The following PACRGL variants were observed in gnomAD, a reference collection of about 807,000 sequenced individuals.
PACRGL encodes the protein PACRG-like protein.
In PACRGL, 38 loss-of-function variants were observed where a neutral mutation model predicts 34.5. The ratio of observed to expected loss-of-function variants is 1.10; its 90% CI spans 0.85 to 1.44. The LOEUF is 1.44. Ranked by LOEUF, PACRGL falls within the 40% of genes most tolerant of loss-of-function variation. The pLI is 0.00. For missense variants in PACRGL, 305 were observed against 281.4 expected (o/e 1.08, Z -0.60); for synonymous variants, 128 against 100.1 (o/e 1.28, Z -1.66).
At position 20,730,144 on chromosome 4, in the gene PACRGL, C is replaced by A. The variant is rs967043483; in HGVS notation, c.*2803C>A. On this transcript the variant is annotated 3_prime_UTR_variant, in exon 9 of 9. Coordinates refer to ENST00000503585, the MANE Select transcript of PACRGL (RefSeq NM_001258345.3). ...ATGTTTTCATCCTGTAAGGGAGAAA[C>A]ACAGAGCGATTAAATTCAGCATATC... The A allele has an allele frequency of 1.3e-6, 2 of 1,597,418 alleles. No individual in the cohort carries two copies. Among genetic ancestry groups the A allele is most frequent in the Admixed American group, 1.8e-5 (1 of 56,450 alleles).
rs150118482 is a variant in PACRGL at position 20,702,358 on chromosome 4, G to A, written c.-17+1571G>A. ...AACAATTGATGATCAAGAGAAATTG[G>A]ACCTCAGCTGGTCTTCAAATTGATG... On this transcript the variant is annotated intron_variant, in intron 1 of 8. Coordinates refer to ENST00000503585, the MANE Select transcript of PACRGL (RefSeq NM_001258345.3). 254 of 360,772 alleles carry A rather than the reference G, an allele frequency of 7.0e-4. 1 individual carries two copies. The highest frequency in any genetic ancestry group is 4.8e-3 in the African/African-American group (224 of 47,094). The allele number at this position is 360,772 out of a possible 1,614,324, so 22.3% of individuals were successfully genotyped here. A position where few individuals can be genotyped will look rare whatever the true frequency, so the allele number is the denominator to read the frequency against.
the PACRGL span, among the ~76,000 whole-genome samples, chr4:20,758,596 C>A: frequency 6.6e-6 from 1 of 152,096 alleles, no homozygotes. Context: ...ACTGGGCACA[C>A]AGTAATAGTT....
chr4:20,740,030 G>A (rs1418321921), intron 8 of PACRGL, among the ~76,000 whole-genome samples: 1 of 152,166 alleles, frequency 6.6e-6, no homozygotes, highest in East Asian at 1.9e-4. Context: ...GAAGCGAGAA[G>A]AGAAGTATAG....
At position 20,730,905 on chromosome 4, in the gene PACRGL, A is replaced by G. The variant is rs894958127; in HGVS notation, c.*3564A>G. On this transcript the variant is annotated 3_prime_UTR_variant, in exon 9 of 9. Transcript: ENST00000503585. ...CTTCCACTGCTAGAAACCAAGTAAC[A>G]TCACCGTCAAGCAGCTTAATGTCAC... Among the ~76,000 whole-genome samples the G allele has an allele frequency of 2.0e-5, 3 of 152,114 alleles. No individual in the cohort carries two copies. The highest frequency in any genetic ancestry group is 2.9e-5 in the Non-Finnish European group (2 of 68,016).
At position 20,712,904 on chromosome 4, in the gene PACRGL, T is replaced by C. The variant is rs1461414135; in HGVS notation, c.483T>C (p.Pro161=). The change falls in exon 6 of 9, where the codon CCT becomes CCC. Residue 161 remains proline, a synonymous_variant. Coordinates refer to ENST00000503585, the MANE Select transcript of PACRGL (RefSeq NM_001258345.3). ...TTCCTTTGCTACCTAGACTGATTCC[T>C]GTGCTAAAGGCAGCTCTGGTATGTC... is the stretch of plus-strand genomic sequence containing the variant. ...KAIPLLPRLI[P]VLKAALVHSD... is the part of the protein sequence containing the mutation. 6.3e-7 allele frequency: 1 copy of C among 1,586,618 alleles called. No individual in the cohort carries two copies. The highest frequency in any genetic ancestry group is 8.6e-7 in the Non-Finnish European group (1 of 1,164,358).
intron 8 of PACRGL, among the ~76,000 whole-genome samples, chr4:20,744,761 G>A (rs768031465): frequency 3.3e-5 from 5 of 150,136 alleles, no homozygotes; most frequent in Non-Finnish European, 7.5e-5. Context: ...AGAACTTAAA[G>A]AATAATAATA....
intron 8 of PACRGL, 79 bp downstream of exon 8, chr4:20,724,967 C>A: frequency 1.3e-6 from 1 of 742,054 alleles, no homozygotes; most frequent in Non-Finnish European, 1.9e-6. Flanking sequence ...ATATATTTAA[C>A]ATATACTATC....
chr4:20,703,512 T>TG (rs1560285678), intron 1 of PACRGL, among the ~76,000 whole-genome samples: 103 of 63,496 alleles, frequency 1.6e-3, no homozygotes, highest in African/African-American at 2.3e-3. Context: ...GTGTGTGTGT[T>TG]TGTGTGTGTG....
At chr4:20,697,577 G>T (rs192390782), upstream of PACRGL, among the ~76,000 whole-genome samples, 64 of 152,314 alleles carry the variant, frequency 4.2e-4, no homozygotes, top group Middle Eastern at 3.4e-3. Context: ...CCTAGAGATA[G>T]TAGCCTCTGA....
intron 7 of PACRGL, among the ~76,000 whole-genome samples, chr4:20,723,025 A>T (rs1255916392): frequency 6.6e-6 from 1 of 152,216 alleles, no homozygotes; most frequent in Non-Finnish European, 1.5e-5. Flanking sequence ...CACCCTAGGA[A>T]CTACCTGGTT....
chr4:20,733,749 C>G (rs1192869516), downstream of PACRGL, among the ~76,000 whole-genome samples: 1 of 152,152 alleles, frequency 6.6e-6, no homozygotes, highest in Admixed American at 6.6e-5. Flanking sequence ...GCTCCATATA[C>G]ATGAACACAA....
rs541195007 is a variant in PACRGL at position 20,730,800 on chromosome 4, G to T, written c.*3459G>T. On this transcript the variant is annotated 3_prime_UTR_variant, in exon 9 of 9. Transcript: ENST00000503585. The stretch of plus-strand genomic sequence containing the variant: ...TAGGGGACAGACTTTGGGCATTATT[G>T]GAGCACTTGTCAGTTGCATGTGAAT... 4.3e-3 allele frequency among the ~76,000 whole-genome samples: 648 copies of T among 152,216 alleles called. 6 individuals are homozygous for T. The highest frequency in any genetic ancestry group is 0.014 in the African/African-American group (599 of 41,528).
chr4:20,716,360 T>G (rs1739998722), intron 7 of PACRGL: 1 of 584,440 alleles, frequency 1.7e-6, no homozygotes, highest in African/African-American at 1.9e-5. Context: ...TTGTTTGTTT[T>G]AATTATACTT....
At chr4:20,719,602 C>A (rs555762028) in intron 7 of PACRGL, among the ~76,000 whole-genome samples, 102 of 152,248 alleles carry the variant, frequency 6.7e-4, no homozygotes, top group African/African-American at 1.9e-3. Flanking sequence ...GCAGTCATTC[C>A]GGAGCAGGTT....
At chr4:20,739,931 G>T (rs574706708) in intron 8 of PACRGL, among the ~76,000 whole-genome samples, 2 of 152,250 alleles carry the variant, frequency 1.3e-5, no homozygotes, top group Admixed American at 1.3e-4. Context: ...CATGGCACAA[G>T]AACTATCTGA....
the PACRGL span, among the ~76,000 whole-genome samples, chr4:20,762,297 C>G: frequency 6.6e-6 from 1 of 152,094 alleles, no homozygotes; most frequent in Non-Finnish European, 1.5e-5. Flanking sequence ...TAATCATCTC[C>G]CAAAGGCCCC....
In PACRGL at chr4:20,728,101, CTAA is replaced by C. The variant is rs1746500421; in HGVS notation, c.*763_*765del. 1 of 152,090 alleles carries C rather than the reference CTAA, an allele frequency of 6.6e-6. No individual in the cohort carries two copies. The allele number at this position is 152,090 out of a possible 1,614,324, so 9.4% of individuals were successfully genotyped here. A position where few individuals can be genotyped will look rare whatever the true frequency, so the allele number is the denominator to read the frequency against. On this transcript the variant is annotated 3_prime_UTR_variant, in exon 9 of 9. Transcript: ENST00000503585. The stretch of plus-strand genomic sequence containing the variant: ...CATGCCTGGCCCCATGAATACACTA[CTAA>C]TATTATTTGTAAATATGTATTTTAT...
intron 8 of PACRGL, among the ~76,000 whole-genome samples, chr4:20,738,692 G>T (rs1750296118): frequency 6.6e-6 from 1 of 152,360 alleles, no homozygotes; most frequent in South Asian, 2.1e-4. Context: ...GAAGATGGGT[G>T]ATTTCTGCAT....
At chr4:20,754,233 C>T (rs147395459), downstream of PACRGL, among the ~76,000 whole-genome samples, 352 of 152,220 alleles carry the variant, frequency 2.3e-3, 8 homozygotes, top group South Asian at 0.046. Context: ...GCTCACCAAA[C>T]AAGTTGGGTT....
Sources: allele counts gnomAD v4.1 joint callset (sites outside exome capture counted in the v4.1 genomes callset), GRCh38; gene constraint gnomAD v4.1.1; transcripts MANE v1.5; gene names NCBI Gene and HGNC (gene_info 2026-07-23, HGNC 2026-07-21).